Variants in CNST observed in about 807,000 individuals in gnomAD.
CNST encodes consortin, connexin sorting protein.
Under a neutral mutation model 72.4 loss-of-function variants are expected in CNST, and 39 were observed. The ratio of observed to expected loss-of-function variants is 0.54; its 90% CI spans 0.42 to 0.70. The LOEUF (loss-of-function observed/expected upper bound fraction) is 0.70, where lower values mean the gene tolerates loss of function less well. Among genes scored for constraint, CNST ranks in the 30% least tolerant of loss-of-function variants. CNST has a pLI of 0.00. For missense variants in CNST, 871 were observed against 868.5 expected, an observed-to-expected ratio of 1.00 and a Z score of -0.04; for synonymous variants, 332 against 320.1, an observed-to-expected ratio of 1.04 and a Z score of -0.40.
At chr1:246,607,891 AC>A (rs1309500713) in intron 2 of CNST, 3 of 152,128 alleles carry the variant, frequency 2.0e-5, no homozygotes, top group African/African-American at 7.2e-5. Flanking sequence ...GACCATCCAG[AC>A]CAACATGGTG....
At chr1:246,608,531 C>A (rs1180991560) in intron 2 of CNST, among the ~76,000 whole-genome samples, 1 of 152,186 alleles carries the variant, frequency 6.6e-6, no homozygotes, top group Non-Finnish European at 1.5e-5. Context: ...GATGCTAAAT[C>A]CCAGAAATAT....
chr1:246,599,414 G>A (rs969933651), intron 2 of CNST, among the ~76,000 whole-genome samples: 1 of 152,066 alleles, frequency 6.6e-6, no homozygotes, highest in South Asian at 2.1e-4. Context: ...TGCCTTTTCC[G>A]GATTCTAGAG....
chr1:246,636,945 GC>G (rs767922154), intron 6 of CNST, among the ~76,000 whole-genome samples: 3 of 152,170 alleles, frequency 2.0e-5, no homozygotes, highest in Non-Finnish European at 4.4e-5. Context: ...GGGCAGCAGG[GC>G]GGCTACTGAC....
chr1:246,651,856 CAT>C (rs1466392934), intron 9 of CNST, among the ~76,000 whole-genome samples: 6 of 152,108 alleles, frequency 3.9e-5, no homozygotes, highest in South Asian at 2.1e-4. Flanking sequence ...AAAATGATCA[CAT>C]GTGCATTGTC....
At chr1:246,637,146 C>T (rs2103110792) in intron 6 of CNST, among the ~76,000 whole-genome samples, 1 of 152,162 alleles carries the variant, frequency 6.6e-6, no homozygotes, top group East Asian at 1.9e-4. Context: ...CCTGGACAAC[C>T]ACTTATCTGT....
intron 3 of CNST, among the ~76,000 whole-genome samples, chr1:246,628,830 C>A (rs3129543): frequency 0.01 from 1,578 of 152,188 alleles, 16 homozygotes; most frequent in Non-Finnish European, 0.017. Flanking sequence ...TTTTTTAGAG[C>A]GTTCCTGATT....
At chr1:246,626,402 C>T (rs1331840095) in intron 3 of CNST, among the ~76,000 whole-genome samples, 1 of 146,020 alleles carries the variant, frequency 6.8e-6, no homozygotes. Flanking sequence ...AATCTCTTCT[C>T]ATTCTGAATT....
At chr1:246,602,897 G>GTTT (rs5782399) in intron 2 of CNST, among the ~76,000 whole-genome samples, 5 of 149,344 alleles carry the variant, frequency 3.3e-5, no homozygotes, top group African/African-American at 4.9e-5. Context: ...TTTTTGTCTA[G>GTTT]TTTTTTTTTT....
intron 2 of CNST, among the ~76,000 whole-genome samples, chr1:246,617,628 T>C (rs1480677672): frequency 2.0e-5 from 3 of 152,240 alleles, no homozygotes; most frequent in Non-Finnish European, 4.4e-5. Context: ...GCCAAAAGTA[T>C]GGCTAATAAG....
intron 6 of CNST, 58 bp downstream of exon 6, chr1:246,634,645 T>C (rs1665031452): frequency 1.2e-6 from 1 of 834,980 alleles, no homozygotes; most frequent in Non-Finnish European, 2.0e-6. Flanking sequence ...AGAAGCATTA[T>C]AGCATTGAGT....
At chr1:246,596,572 G>C (rs1210267655) in intron 2 of CNST, among the ~76,000 whole-genome samples, 1 of 152,102 alleles carries the variant, frequency 6.6e-6, no homozygotes, top group African/African-American at 2.4e-5. Context: ...GTTTTATTAA[G>C]ATGTAATTCA....
At chr1:246,576,151 G>GC (rs1660396486) in intron 1 of CNST, among the ~76,000 whole-genome samples, 1 of 118,190 alleles carries the variant, frequency 8.5e-6, no homozygotes, top group Non-Finnish European at 1.8e-5. Context: ...AGGAGAATTG[G>GC]TTGAACCCGG....
chr1:246,627,475 A>G (rs915636171), intron 3 of CNST, among the ~76,000 whole-genome samples: 1 of 152,218 alleles, frequency 6.6e-6, no homozygotes, highest in Non-Finnish European at 1.5e-5. Context: ...CAGCAAAACA[A>G]GGGAGTAAAC....
At chr1:246,610,608 G>A (rs1000757788) in intron 2 of CNST, among the ~76,000 whole-genome samples, 1 of 152,128 alleles carries the variant, frequency 6.6e-6, no homozygotes, top group South Asian at 2.1e-4. Flanking sequence ...TCTCGCCTTT[G>A]TTCAGGGTTG....
chr1:246,660,473 C>A, intron 10 of CNST, 139 bp downstream of exon 10: 2 of 850,006 alleles, frequency 2.4e-6, no homozygotes, highest in Non-Finnish European at 3.6e-6. Context: ...CACCTGTAAT[C>A]CCAGCACTTT....
intron 2 of CNST, among the ~76,000 whole-genome samples, chr1:246,598,076 G>A (rs1231522092): frequency 6.6e-6 from 1 of 151,960 alleles, no homozygotes; most frequent in Admixed American, 6.6e-5. Context: ...CAAGTTCCCA[G>A]GCTCAGGTGA....
chr1:246,659,066 G>A (rs968254037), intron 9 of CNST, among the ~76,000 whole-genome samples: 4 of 152,152 alleles, frequency 2.6e-5, no homozygotes, highest in Non-Finnish European at 4.4e-5. Context: ...GGGTGGGGTG[G>A]GTGTCTGAAG....
rs532433697 is a variant in CNST at position 246,621,100 on chromosome 1, TGTTA to T, written c.380-324_380-321del. ...TTAAAATTTGGTGTATTTCAGTAGC[TGTTA>T]GTTAAGCATTTATTTATTAGTGATT... On this transcript the variant is annotated intron_variant, in intron 2 of 10. Transcript: ENST00000366513. Among the ~76,000 whole-genome samples, 422 of 152,362 alleles carry T rather than the reference TGTTA, an allele frequency of 2.8e-3. 1 individual carries two copies. The highest frequency in any genetic ancestry group is 9.6e-3 in the African/African-American group (399 of 41,582).
rs6681393 is a variant in CNST at position 246,652,800 on chromosome 1, C to T, written c.1836+4763C>T. Among the ~76,000 whole-genome samples the T allele has an allele frequency of 2.2e-4, 32 of 142,960 alleles. No homozygotes were observed. The East Asian group carries it at 2.6e-3, about 11-fold the overall frequency. 93.8% of individuals were successfully genotyped at this position (142,960 alleles called of 152,430 possible). A position where few individuals can be genotyped will look rare whatever the true frequency, so the allele number is the denominator to read the frequency against. On this transcript the variant is annotated intron_variant, in intron 9 of 10. Transcript: ENST00000366513. ...CGGGCGGATCACGAGGTCAGGAGAT[C>T]GAGACCATCCTGGCTAACACGGTGA...
Sources: gnomAD v4.1 joint callset for allele counts (sites outside exome capture counted in the v4.1 genomes callset) on GRCh38, gnomAD v4.1.1 for gene constraint, MANE v1.5 for transcripts, NCBI Gene and HGNC (gene_info 2026-07-23, HGNC 2026-07-21) for gene names.